Variants in DPY19L2 observed in about 807,000 individuals in gnomAD.
DPY19L2 encodes the protein probable C-mannosyltransferase DPY19L2.
DPY19L2 carries 34 observed loss-of-function variants against 97.9 expected under a neutral mutation model. The observed-to-expected ratio is 0.35, with a 90% CI of 0.26 to 0.46. The LOEUF is 0.46. Ranked by LOEUF, DPY19L2 falls within the 20% of genes least tolerant of loss-of-function variation. DPY19L2 has a pLI of 1.00. For synonymous variants in DPY19L2, 230 were observed against 307.9 expected (o/e 0.75, Z 2.65); for missense variants, 623 against 911.4 (o/e 0.68, Z 4.07).
At chr12:63,645,143 A>G (rs1893234931) in intron 5 of DPY19L2, among the ~76,000 whole-genome samples, 2 of 152,126 alleles carry the variant, frequency 1.3e-5, no homozygotes, top group Admixed American at 6.6e-5. Context: ...CTTTTCTCAG[A>G]ACAAGTTTAT....
In DPY19L2 at chr12:63,594,127, G is replaced by C. The variant is rs1478776218; in HGVS notation, c.1540C>G (p.Arg514Gly). The C allele has an allele frequency of 4.5e-6, 7 of 1,540,980 alleles. No homozygotes were observed. Among genetic ancestry groups the C allele is most frequent in the Non-Finnish European group, 6.2e-6 (7 of 1,130,516 alleles). The change falls in exon 16 of 22, where the codon CGT (arginine) becomes GGT (glycine). Residue 514 changes from arginine (R) to glycine (G), a missense_variant. Arg to Gly is a moderately radical substitution (Grantham distance 125). Around this residue, in one of 6 missense-constraint regions of DPY19L2, gnomAD observed 294 missense variants for 446.2 expected, o/e 0.66. Transcript: ENST00000324472. ...ITCFIFKKTV[R>G]DISYVLATNI... is the part of the protein sequence containing the mutation. ...GTAGCTAAAACATATGAAATATCAC[G>C]AACAGTCTGTGAATAGAATCAAATC...
At chr12:63,589,357 CAA>C (rs71086687) in intron 16 of DPY19L2, among the ~76,000 whole-genome samples, 11 of 18,978 alleles carry the variant, frequency 5.8e-4, no homozygotes, top group Non-Finnish European at 5.3e-4. Flanking sequence ...AAATGTGTTG[CAA>C]AAAAAAAAAA....
chr12:63,627,739 C>A (rs771039871), intron 6 of DPY19L2, among the ~76,000 whole-genome samples: 1 of 152,196 alleles, frequency 6.6e-6, no homozygotes, highest in Admixed American at 6.5e-5. Flanking sequence ...CGTTTCTATG[C>A]TTCCATTTAT....
At chr12:63,597,779 A>C in intron 14 of DPY19L2, 30 bp downstream of exon 14, 1 of 1,579,008 alleles carries the variant, frequency 6.3e-7, no homozygotes, top group Non-Finnish European at 8.7e-7. Flanking sequence ...AACTCATATT[A>C]GTAGAGAAGG....
chr12:63,606,125 T>A (rs1565754600), intron 12 of DPY19L2, among the ~76,000 whole-genome samples: 1 of 152,148 alleles, frequency 6.6e-6, no homozygotes, highest in Admixed American at 6.5e-5. Context: ...TTTTTAATAT[T>A]AAACTTATAT....
intron 19 of DPY19L2, among the ~76,000 whole-genome samples, chr12:63,573,219 A>G (rs2137303301): frequency 6.6e-6 from 1 of 152,264 alleles, no homozygotes; most frequent in South Asian, 2.1e-4. Context: ...CAGAGAAGGA[A>G]TTAGTATCTT....
At chr12:63,650,075 A>T (rs34066542) in intron 4 of DPY19L2, among the ~76,000 whole-genome samples, 25,369 of 152,082 alleles carry the variant, frequency 0.17, 2,537 homozygotes, top group Non-Finnish European at 0.22. Flanking sequence ...ACCCCACATG[A>T]TTATCTAAAT....
intron 16 of DPY19L2, among the ~76,000 whole-genome samples, chr12:63,589,222 A>G (rs1882395582): frequency 6.6e-6 from 1 of 152,014 alleles, no homozygotes; most frequent in Non-Finnish European, 1.5e-5. Flanking sequence ...CAAGAAAGTA[A>G]AGAAGTATAA....
At chr12:63,592,625 T>C (rs1883319377) in intron 16 of DPY19L2, among the ~76,000 whole-genome samples, 1 of 147,934 alleles carries the variant, frequency 6.8e-6, no homozygotes, top group African/African-American at 2.5e-5. Flanking sequence ...TTACACCTTA[T>C]ACAAAAATTA....
At chr12:63,635,784 G>C (rs1396628609) in intron 6 of DPY19L2, among the ~76,000 whole-genome samples, 1 of 152,156 alleles carries the variant, frequency 6.6e-6, no homozygotes, top group African/African-American at 2.4e-5. Flanking sequence ...TATATGAAAA[G>C]ACCAAATCTA....
chr12:63,601,463 A>G (rs1452809629), intron 12 of DPY19L2, among the ~76,000 whole-genome samples: 2 of 152,176 alleles, frequency 1.3e-5, no homozygotes, highest in East Asian at 3.8e-4. Context: ...CAACAAGTAG[A>G]GCAATACAAC....
chr12:63,668,504 G>A (rs1436959000), upstream of DPY19L2: 5 of 1,162,220 alleles, frequency 4.3e-6, no homozygotes, highest in African/African-American at 6.2e-5. Context: ...TGTCCCCGCA[G>A]CCGTTGCGGA....
At chr12:63,569,485 A>G in intron 20 of DPY19L2, 136 bp from the exon 21 acceptor site, 5 of 657,446 alleles carry the variant, frequency 7.6e-6, no homozygotes, top group East Asian at 3.5e-5. Context: ...AACAGCATCA[A>G]TTATTTTGGG....
intron 4 of DPY19L2, chr12:63,660,750 A>C (rs1324084045): frequency 6.6e-6 from 1 of 152,150 alleles, no homozygotes; most frequent in African/African-American, 2.4e-5. Flanking sequence ...CTGGATTCTG[A>C]GACAATTTTA....
chr12:63,665,897 C>T (rs758114059), intron 1 of DPY19L2, 38 bp from the exon 2 acceptor site: 8 of 1,532,448 alleles, frequency 5.2e-6, no homozygotes, highest in Non-Finnish European at 7.1e-6. Context: ...TTAATAGCTG[C>T]TTTATTATAA....
At chr12:63,658,255 G>C (rs1895220805) in intron 4 of DPY19L2, among the ~76,000 whole-genome samples, 1 of 152,128 alleles carries the variant, frequency 6.6e-6, no homozygotes, top group African/African-American at 2.4e-5. Context: ...AGCACTTTGG[G>C]AGGCCGAGGC....
intron 12 of DPY19L2, among the ~76,000 whole-genome samples, chr12:63,605,678 C>T (rs1052101498): frequency 6.6e-6 from 1 of 152,078 alleles, no homozygotes; most frequent in Non-Finnish European, 1.5e-5. Context: ...GATTCCAAGG[C>T]TAGCACAAGG....
At chr12:63,574,839 C>G (rs1211156832) in intron 19 of DPY19L2, among the ~76,000 whole-genome samples, 1 of 151,924 alleles carries the variant, frequency 6.6e-6, no homozygotes, top group Non-Finnish European at 1.5e-5. Flanking sequence ...AAGAGAGAGA[C>G]AGATCCCTAT....
At position 63,668,358 on chromosome 12, in the gene DPY19L2, T is replaced by C. The variant is rs773797822; in HGVS notation, c.36A>G (p.Gln12=). The C allele has an allele frequency of 1.9e-6, 3 of 1,613,394 alleles. No homozygotes were observed. The highest frequency in any genetic ancestry group is 1.1e-5 in the South Asian group (1 of 91,044). ...RKQGVSSKRL[Q]SSGRSQSKGR... Reference sequence around the variant, plus strand: ...CCTTAGACTGGCTGCGGCCGGAAGATTGCAGCCGCTTTGAGCTTACTCCTT... The same window carrying C: ...CCTTAGACTGGCTGCGGCCGGAAGACTGCAGCCGCTTTGAGCTTACTCCTT... Residue 12 remains glutamine (Q), a synonymous_variant, in exon 1 of 22, where the codon CAA becomes CAG. Coordinates refer to ENST00000324472, the MANE Select transcript of DPY19L2 (RefSeq NM_173812.5).
Sources: gnomAD v4.1 joint callset for allele counts (sites outside exome capture counted in the v4.1 genomes callset) on GRCh38, gnomAD v4.1.1 for gene constraint, gnomAD v4.1.1 regional missense constraint, MANE v1.5 for transcripts, NCBI Gene and HGNC (gene_info 2026-07-23, HGNC 2026-07-21) for gene names.